STK32B: variants seen among roughly 807,000 people sequenced by gnomAD.
STK32B encodes serine/threonine kinase 32B.
STK32B carries 43 observed loss-of-function variants against 52.6 expected under a neutral mutation model. The observed-to-expected ratio is 0.82, with a 90% CI of 0.64 to 1.05. The LOEUF (loss-of-function observed/expected upper bound fraction) is 1.05, where lower values mean the gene tolerates loss of function less well. STK32B is among the 50% of genes least tolerant of loss of function. The probability of loss-of-function intolerance (pLI) is 0.00; values close to 1 mark genes in which losing one functional copy is unlikely to be tolerated. For missense variants in STK32B, 621 were observed against 534.6 expected, an observed-to-expected ratio of 1.16 and a Z score of -1.59; for synonymous variants, 238 against 204.3, an observed-to-expected ratio of 1.17 and a Z score of -1.41.
chr4:5,234,150 GA>G (rs1724460597), intron 3 of STK32B, among the ~76,000 whole-genome samples: 1 of 152,148 alleles, frequency 6.6e-6, no homozygotes, highest in African/African-American at 2.4e-5. Flanking sequence ...ACTTCAGTAG[GA>G]AATGAGGTTA....
intron 11 of STK32B, among the ~76,000 whole-genome samples, chr4:5,494,326 T>G (rs963679357): frequency 4.6e-5 from 7 of 152,168 alleles, no homozygotes; most frequent in Non-Finnish European, 7.3e-5. Flanking sequence ...CCCTTTACCA[T>G]TATGTAATGG....
chr4:5,425,695 G>A (rs768688675), intron 6 of STK32B, among the ~76,000 whole-genome samples: 6 of 152,118 alleles, frequency 3.9e-5, no homozygotes, highest in Non-Finnish European at 8.8e-5. Flanking sequence ...CTCTTTTAGT[G>A]TATAGCTCTC....
At chr4:5,096,109 A>G (rs1226608263) in intron 1 of STK32B, among the ~76,000 whole-genome samples, 1 of 152,264 alleles carries the variant, frequency 6.6e-6, no homozygotes, top group Non-Finnish European at 1.5e-5. Context: ...AATACTAAAA[A>G]AATTGTTGAA....
intron 3 of STK32B, among the ~76,000 whole-genome samples, chr4:5,243,132 G>A (rs569592949): frequency 6.6e-6 from 1 of 152,276 alleles, no homozygotes; most frequent in East Asian, 1.9e-4. Context: ...TTGGTAGCTT[G>A]ATGGGGATGG....
At chr4:5,384,163 G>C (rs1736103192) in intron 4 of STK32B, among the ~76,000 whole-genome samples, 1 of 152,204 alleles carries the variant, frequency 6.6e-6, no homozygotes, top group African/African-American at 2.4e-5. Flanking sequence ...GGTAGGCCCA[G>C]CTCATCAGGG....
At chr4:5,193,157 C>T (rs927679908) in intron 3 of STK32B, among the ~76,000 whole-genome samples, 1 of 152,064 alleles carries the variant, frequency 6.6e-6, no homozygotes, top group African/African-American at 2.4e-5. Flanking sequence ...CGGGGTGGGC[C>T]ACTGTCCTCT....
Position 5,090,088 on chromosome 4 carries a change from T to A in STK32B, c.52+38173T>A, listed in dbSNP as rs200255074. Among the ~76,000 whole-genome samples the A allele has an allele frequency of 6.6e-5, 10 of 152,300 alleles. No homozygotes were observed. In the East Asian group the frequency reaches 7.7e-4, roughly 12 times the overall value. On this transcript the variant is annotated intron_variant, in intron 1 of 11. Coordinates refer to ENST00000282908, the MANE Select transcript of STK32B (RefSeq NM_018401.3). Reference sequence around the variant, plus strand: ...TTTTTTCTTGTAAATATGTTTAAGTTCCTTGTAAATTCTGGGTATTAGACC... The same window carrying A: ...TTTTTTCTTGTAAATATGTTTAAGTACCTTGTAAATTCTGGGTATTAGACC...
chr4:5,356,014 G>A (rs1184159774), intron 4 of STK32B, among the ~76,000 whole-genome samples: 1 of 152,164 alleles, frequency 6.6e-6, no homozygotes, highest in Non-Finnish European at 1.5e-5. Context: ...ATGCCACTGA[G>A]AGAGGCAGGC....
At chr4:5,497,129 T>C (rs1720334061) in intron 11 of STK32B, among the ~76,000 whole-genome samples, 1 of 152,190 alleles carries the variant, frequency 6.6e-6, no homozygotes, top group Admixed American at 6.5e-5. Context: ...CATGGTATTT[T>C]AATGCAGTTT....
intron 3 of STK32B, among the ~76,000 whole-genome samples, chr4:5,277,721 C>T (rs1216568103): frequency 6.6e-6 from 1 of 152,162 alleles, no homozygotes; most frequent in Non-Finnish European, 1.5e-5. Flanking sequence ...GTTCAGATTG[C>T]CAGATTCTTT....
chr4:5,195,290 G>C (rs1721552151), intron 3 of STK32B, among the ~76,000 whole-genome samples: 1 of 152,154 alleles, frequency 6.6e-6, no homozygotes, highest in African/African-American at 2.4e-5. Flanking sequence ...TAGAAGTAAG[G>C]AAATGAGACA....
At chr4:5,210,260 C>T (rs991019761) in intron 3 of STK32B, among the ~76,000 whole-genome samples, 7 of 152,090 alleles carry the variant, frequency 4.6e-5, no homozygotes, top group Admixed American at 1.3e-4. Context: ...TCCTCCTCCT[C>T]CTCCTCAAGG....
intron 1 of STK32B, among the ~76,000 whole-genome samples, chr4:5,092,650 G>T (rs1455289710): frequency 6.6e-6 from 1 of 152,150 alleles, no homozygotes; most frequent in African/African-American, 2.4e-5. Context: ...TTCTGCTTCT[G>T]AGGAGTCCGT....
At chr4:5,055,780 C>T (rs182472945) in intron 1 of STK32B, among the ~76,000 whole-genome samples, 35 of 152,240 alleles carry the variant, frequency 2.3e-4, no homozygotes, top group African/African-American at 7.5e-4. Flanking sequence ...TCACTTCCTT[C>T]GGGTCTCCAG....
intron 1 of STK32B, among the ~76,000 whole-genome samples, chr4:5,078,781 A>G (rs1400782842): frequency 4.0e-5 from 6 of 151,480 alleles, no homozygotes; most frequent in Non-Finnish European, 5.9e-5. Flanking sequence ...TTCCCAGAAG[A>G]CCCCCTCCAC....
rs990729829 is a variant in STK32B, at chr4:5,399,785, C to G, written c.472+1541C>G. On this transcript the variant is annotated intron_variant, in intron 5 of 11. Coordinates refer to ENST00000282908, the MANE Select transcript of STK32B (RefSeq NM_018401.3). This position sits in a 1 kb window ranked among gnomAD's most constrained non-coding sequence, Gnocchi z 5.4. Reference sequence around the variant, plus strand: ...TGAATGTCTCATCTCGGGTGAGACTCGAAGGTCAGCCACCCATCACAGTAT... The same window carrying G: ...TGAATGTCTCATCTCGGGTGAGACTGGAAGGTCAGCCACCCATCACAGTAT... 6.6e-6 allele frequency among the ~76,000 whole-genome samples: 1 copy of G among 152,028 alleles called. No homozygotes were observed. Among genetic ancestry groups the G allele is most frequent in the African/African-American group, 2.4e-5 (1 of 41,396 alleles).
intron 1 of STK32B, among the ~76,000 whole-genome samples, chr4:5,075,073 G>C (rs968851421): frequency 1.6e-4 from 24 of 152,108 alleles, no homozygotes; most frequent in Non-Finnish European, 3.5e-4. Flanking sequence ...GAGACCACCA[G>C]GGATTTCAGG....
chr4:5,467,543 TA>T lies in STK32B; in HGVS notation c.1042-460del, dbSNP rs1430058947. On this transcript the variant is annotated intron_variant, in intron 10 of 11. Coordinates refer to ENST00000282908, the MANE Select transcript of STK32B (RefSeq NM_018401.3). This position sits in a 1 kb window ranked among gnomAD's most constrained non-coding sequence, Gnocchi z 5.8. Reference sequence around the variant, plus strand: ...CTTCATCTTAACTGGATTACATCTGTAAAGGTTCTATTTCCAAATAACGTCA... The same window carrying T: ...CTTCATCTTAACTGGATTACATCTGTAAGGTTCTATTTCCAAATAACGTCA... 6.6e-6 allele frequency among the ~76,000 whole-genome samples: 1 copy of T among 152,170 alleles called. No homozygotes were observed. Among genetic ancestry groups the T allele is most frequent in the Non-Finnish European group, 1.5e-5 (1 of 68,034 alleles).
intron 1 of STK32B, among the ~76,000 whole-genome samples, chr4:5,134,309 C>A (rs1715944157): frequency 6.6e-6 from 1 of 152,176 alleles, no homozygotes; most frequent in South Asian, 2.1e-4. Flanking sequence ...GCCATGAAAT[C>A]TCTGCCCTTA....
Sources: gnomAD v4.1 joint callset for allele counts (sites outside exome capture counted in the v4.1 genomes callset) on GRCh38, gnomAD v4.1.1 for gene constraint, Gnocchi (gnomAD v3.1) non-coding constraint, MANE v1.5 for transcripts, NCBI Gene and HGNC (gene_info 2026-07-23, HGNC 2026-07-21) for gene names.